The following CHD5 variants were observed in gnomAD, a reference collection of about 807,000 sequenced individuals.
The protein encoded by CHD5 is ATP-dependent chromatin remodeler CHD5.
A neutral mutation model predicts 230.3 loss-of-function variants in CHD5; 69 were observed. The ratio of observed to expected loss-of-function variants is 0.30; its 90% CI spans 0.25 to 0.37. The LOEUF (loss-of-function observed/expected upper bound fraction) is 0.37. CHD5 is among the 10% of genes least tolerant of loss of function. The probability of loss-of-function intolerance (pLI) is 1.00; values close to 1 mark genes in which losing one functional copy is unlikely to be tolerated. For synonymous variants in CHD5, 1,064 were observed against 1,065.9 expected, an observed-to-expected ratio of 1.00 and a Z score of 0.03; for missense variants, 1,827 against 2,622.8, an observed-to-expected ratio of 0.70 and a Z score of 6.63.
Position 6,124,662 on chromosome 1 carries a change from CTGGGG to C in CHD5, c.4395-6_4395-2del. ...CCGCATGAAGAGGGACACATAGGCT[CTGGGG>C]TGGGGGGGGGGGACTGGGGCTCAGG... On this transcript the variant is annotated splice_acceptor_variant and splice_polypyrimidine_tract_variant and intron_variant, in intron 29 of 41. Coordinates refer to ENST00000262450, the MANE Select transcript of CHD5 (RefSeq NM_015557.3). LOFTEE classifies it high-confidence loss of function. 1.4e-4 allele frequency: 16 copies of C among 111,386 alleles called. No homozygotes were observed. Among genetic ancestry groups the C allele is most frequent in the Non-Finnish European group, 1.9e-4 (13 of 70,200 alleles). The allele number at this position is 111,386 out of a possible 1,614,324, so 6.9% of individuals were successfully genotyped here.
intron 33 of CHD5, among the ~76,000 whole-genome samples, chr1:6,118,427 C>G (rs936709539): frequency 4.2e-4 from 60 of 142,110 alleles, no homozygotes; most frequent in Middle Eastern, 3.6e-3. Context: ...TATTCCACAA[C>G]ATAGATGAAC....
chr1:6,179,889 G>C, intron 1 of CHD5, 56 bp downstream of exon 1: 3 of 1,038,874 alleles, frequency 2.9e-6, no homozygotes, highest in Non-Finnish European at 3.6e-6. Context: ...CCCTGGGCCC[G>C]GCCCGTCTCG....
chr1:6,122,024 C>T (rs960390058), intron 31 of CHD5, among the ~76,000 whole-genome samples: 2 of 152,240 alleles, frequency 1.3e-5, no homozygotes, highest in Non-Finnish European at 1.5e-5. Flanking sequence ...CTCTGAGAAG[C>T]CCCGGGAGGT....
intron 38 of CHD5, among the ~76,000 whole-genome samples, chr1:6,108,741 G>T (rs1055704748): frequency 6.7e-6 from 1 of 150,074 alleles, no homozygotes; most frequent in Non-Finnish European, 1.5e-5. Flanking sequence ...ATGATGGAGA[G>T]ACAGAGGGAT....
At chr1:6,117,312 C>T (rs1368728121) in intron 33 of CHD5, among the ~76,000 whole-genome samples, 10 of 151,910 alleles carry the variant, frequency 6.6e-5, no homozygotes, top group Admixed American at 2.6e-4. Flanking sequence ...CCCTATACAC[C>T]GTCTACAAAA....
rs113159128 is a variant in CHD5 at position 6,157,934 on chromosome 1, A to C, written c.387+1402T>G. On this transcript the variant is annotated intron_variant, in intron 3 of 41. Transcript: ENST00000262450. ...AGGTGTCAGGACACCGCCAGGAAGA[A>C]TCGCTCCTCCTCCCACACCTCCCAA... is the stretch of plus-strand genomic sequence containing the variant. 2.8e-3 allele frequency among the ~76,000 whole-genome samples: 429 copies of C among 152,300 alleles called. 3 individuals are homozygous for C. The highest frequency in any genetic ancestry group is 9.8e-3 in the African/African-American group (409 of 41,564).
Position 6,128,801 on chromosome 1 carries a change from C to G in CHD5, c.3619+37G>C. 6.4e-7 allele frequency: 1 copy of G among 1,566,878 alleles called. No individual in the cohort carries two copies. The highest frequency in any genetic ancestry group is 2.3e-5 in the East Asian group (1 of 44,334). Reference sequence around the variant, plus strand: ...GATGGGTGTCTCAGCCGGGCCACCCCAGTCCCCTGCCACGCTCCCTCGGAA... The same window carrying G: ...GATGGGTGTCTCAGCCGGGCCACCCGAGTCCCCTGCCACGCTCCCTCGGAA... On this transcript the variant is annotated intron_variant, in intron 23 of 41. Transcript: ENST00000262450. This position sits in a 1 kb window ranked among gnomAD's most constrained non-coding sequence, Gnocchi z 7.8.
At chr1:6,173,594 G>A (rs191752079) in intron 1 of CHD5, among the ~76,000 whole-genome samples, 4 of 152,288 alleles carry the variant, frequency 2.6e-5, no homozygotes, top group Admixed American at 6.5e-5. Context: ...GCCTAATGTG[G>A]CAGCCTTTCC....
chr1:6,150,636 G>C (rs143248484), intron 7 of CHD5, among the ~76,000 whole-genome samples: 1 of 152,092 alleles, frequency 6.6e-6, no homozygotes, highest in African/African-American at 2.4e-5. Context: ...AGGGAAGGAG[G>C]GAGAAGGAGG....
In CHD5 at chr1:6,146,799, C is replaced by T. The variant is rs1666919186; in HGVS notation, c.1456G>A (p.Val486Met). The T allele has an allele frequency of 6.3e-7, 1 of 1,592,174 alleles. No individual in the cohort carries two copies. Among genetic ancestry groups the T allele is most frequent in the Non-Finnish European group, 8.6e-7 (1 of 1,168,006 alleles). The change falls in exon 10 of 42, where the codon GTG becomes ATG. Residue 486 changes from valine to methionine, a missense_variant. By Grantham distance (21) the Val-to-Met change is conservative. Coordinates refer to ENST00000262450, the MANE Select transcript of CHD5 (RefSeq NM_015557.3). This position sits in a 1 kb window ranked among gnomAD's most constrained non-coding sequence, Gnocchi z 5.1. ...TCCACGTCAGGCCCCGGCAGCCCCA[C>T]CATGAAGGGGGCAGGGGGCTCCGTC... ...RWTEPPAPFM[V>M]GLPGPDVEPS...
intron 6 of CHD5, among the ~76,000 whole-genome samples, chr1:6,151,622 G>C (rs1311505421): frequency 2.0e-5 from 3 of 152,192 alleles, no homozygotes. Flanking sequence ...ACAGGACCAC[G>C]GCCCACTGTG....
chr1:6,117,461 T>C (rs1666395663), intron 33 of CHD5, among the ~76,000 whole-genome samples: 1 of 152,166 alleles, frequency 6.6e-6, no homozygotes, highest in African/African-American at 2.4e-5. Context: ...CCTGTGATCC[T>C]AGCTACTCAA....
chr1:6,132,127 C>G (rs1666667415), intron 20 of CHD5, among the ~76,000 whole-genome samples: 1 of 152,196 alleles, frequency 6.6e-6, no homozygotes, highest in African/African-American at 2.4e-5. Context: ...TGCCCACCCC[C>G]TTACTGCCTA....
chr1:6,155,582 C>T lies in CHD5; in HGVS notation c.506+17G>A, dbSNP rs201582839. 23 of 1,598,976 alleles carry T rather than the reference C, an allele frequency of 1.4e-5. No individual in the cohort carries two copies. Among genetic ancestry groups the T allele is most frequent in the Non-Finnish European group, 1.7e-6 (2 of 1,166,368 alleles). ...AGGATGTGCGGGCCTGGAGAACAGC[C>T]CTAGTGCCCCGCCCACCTGAGGAAC... is the stretch of plus-strand genomic sequence containing the variant. On this transcript the variant is annotated intron_variant, in intron 4 of 41. Coordinates refer to ENST00000262450, the MANE Select transcript of CHD5 (RefSeq NM_015557.3). This position sits in a 1 kb window ranked among gnomAD's most constrained non-coding sequence, Gnocchi z 4.0.
chr1:6,119,442 G>T (rs1009281421), intron 33 of CHD5, among the ~76,000 whole-genome samples: 9 of 152,142 alleles, frequency 5.9e-5, no homozygotes, highest in African/African-American at 2.2e-4. Context: ...GGATAAGAGG[G>T]TTATTACACA....
chr1:6,178,578 G>A (rs1049360063), intron 1 of CHD5, among the ~76,000 whole-genome samples: 1 of 152,014 alleles, frequency 6.6e-6, no homozygotes, highest in African/African-American at 2.4e-5. Context: ...CTAATTCCAA[G>A]GACCCAGGAT....
rs778773999 is a variant in CHD5, at chr1:6,134,670, TACCATGGC to T, written c.3012+40_3012+47del. 5.6e-4 allele frequency: 882 copies of T among 1,589,000 alleles called. 3 individuals are homozygous for T. In the African/African-American group the frequency reaches 0.012, roughly 22 times the overall value. ...ACCTACCATGGCGGCCACAGGCACCTACCATGGCGGTCATGGAGAAGCTGCCATGATGG... is the reference window on the plus strand; with the variant it reads ...ACCTACCATGGCGGCCACAGGCACCTGGTCATGGAGAAGCTGCCATGATGG... On this transcript the variant is annotated intron_variant, in intron 19 of 41. Transcript: ENST00000262450. This position sits in a 1 kb window ranked among gnomAD's most constrained non-coding sequence, Gnocchi z 6.3.
At chr1:6,140,378 G>A (rs549143525) in intron 15 of CHD5, among the ~76,000 whole-genome samples, 2 of 149,034 alleles carry the variant, frequency 1.3e-5, no homozygotes, top group East Asian at 2.0e-4. Context: ...CCAGCCTGGC[G>A]ACAGAGTGAG....
intron 15 of CHD5, among the ~76,000 whole-genome samples, chr1:6,139,763 G>A (rs749833151): frequency 6.6e-6 from 1 of 152,148 alleles, no homozygotes; most frequent in Non-Finnish European, 1.5e-5. Context: ...TACATTATGT[G>A]TATTTTACCA....
Sources: allele counts gnomAD v4.1 joint callset (sites outside exome capture counted in the v4.1 genomes callset), GRCh38; gene constraint gnomAD v4.1.1; non-coding constraint Gnocchi (gnomAD v3.1); transcripts MANE v1.5; gene names NCBI Gene and HGNC (gene_info 2026-07-23, HGNC 2026-07-21).